Variants in BAZ2B observed in about 807,000 individuals in gnomAD.
The protein encoded by BAZ2B is bromodomain adjacent to zinc finger domain protein 2B.
In BAZ2B, 91 loss-of-function variants were observed where a neutral mutation model predicts 246.0. The ratio of observed to expected loss-of-function variants is 0.37; its 90% confidence interval spans 0.31 to 0.44. The LOEUF is 0.44. Ranked by LOEUF, BAZ2B falls within the 20% of genes least tolerant of loss-of-function variation. BAZ2B has a pLI of 1.00. For missense variants in BAZ2B, 2,332 were observed against 2,533.7 expected (o/e 0.92, Z 1.71); for synonymous variants, 855 against 860.0 (o/e 0.99, Z 0.10).
chr2:159,575,368 T>TA (rs1372115339), intron 1 of BAZ2B, among the ~76,000 whole-genome samples: 3 of 151,994 alleles, frequency 2.0e-5, no homozygotes, highest in African/African-American at 4.8e-5. Flanking sequence ...ATATACTGGA[T>TA]AAAAAATAGA....
chr2:159,642,206 T>A, the BAZ2B span, among the ~76,000 whole-genome samples: 9 of 151,878 alleles, frequency 5.9e-5, no homozygotes, highest in East Asian at 1.7e-3. Context: ...ATAGATTGAT[T>A]GTTTTCTATT....
intron 2 of BAZ2B, among the ~76,000 whole-genome samples, chr2:159,510,016 C>T (rs1178161503): frequency 1.3e-5 from 2 of 151,790 alleles, no homozygotes; most frequent in Non-Finnish European, 2.9e-5. Context: ...TAGATGAACC[C>T]TGAAAACTCT....
At chr2:159,650,599 C>T in the BAZ2B span, among the ~76,000 whole-genome samples, 1 of 152,034 alleles carries the variant, frequency 6.6e-6, no homozygotes, top group Non-Finnish European at 1.5e-5. Flanking sequence ...TGGGTAGCTC[C>T]CTCATATTCA....
chr2:159,432,750 AAAT>A lies in BAZ2B; in HGVS notation c.1900+4_1900+6del. 1.2e-6 allele frequency: 2 copies of A among 1,605,556 alleles called. No homozygotes were observed. Among genetic ancestry groups the A allele is most frequent in the Non-Finnish European group, 1.7e-6 (2 of 1,174,212 alleles). ...AGAAATACTTTAAATTTTAAAATGA[AAAT>A]AACCTGATTGGCTGTCATCAGATTC... On this transcript the variant is annotated splice_donor_5th_base_variant and intron_variant, in intron 9 of 36. Transcript: ENST00000392783.
chr2:159,374,076 CTTTTT>C (rs68072307), intron 26 of BAZ2B, among the ~76,000 whole-genome samples: 1 of 125,190 alleles, frequency 8.0e-6, no homozygotes. Flanking sequence ...GTTTTTTTTT[CTTTTT>C]TTTTTTTTTT....
At chr2:159,316,638 C>A, downstream of BAZ2B, among the ~76,000 whole-genome samples, 1 of 122,048 alleles carries the variant, frequency 8.2e-6, no homozygotes, top group Non-Finnish European at 1.6e-5. Flanking sequence ...TGCAGTGAGC[C>A]GAGATTGCAC....
At chr2:159,516,416 T>C (rs1383934064) in intron 2 of BAZ2B, 1 of 152,448 alleles carries the variant, frequency 6.6e-6, no homozygotes, top group Non-Finnish European at 1.5e-5. Flanking sequence ...CTAGCTTTGC[T>C]GACCCCAAGG....
chr2:159,605,306 G>A (rs1046115065), intron 1 of BAZ2B, among the ~76,000 whole-genome samples: 2 of 152,020 alleles, frequency 1.3e-5, no homozygotes, highest in African/African-American at 4.8e-5. Context: ...AAAGTGCTGG[G>A]ATTACAGGTG....
the BAZ2B span, among the ~76,000 whole-genome samples, chr2:159,680,183 A>G: frequency 6.6e-6 from 1 of 152,246 alleles, no homozygotes; most frequent in Non-Finnish European, 1.5e-5. Context: ...TACAAGAGAA[A>G]AAAGTATAAT....
In BAZ2B at chr2:159,428,344, T is replaced by C; in HGVS notation, c.2331A>G (p.Gly777=). 2 of 1,613,222 alleles carry C rather than the reference T, an allele frequency of 1.2e-6. No homozygotes were observed. Among genetic ancestry groups the C allele is most frequent in the Non-Finnish European group, 1.7e-6 (2 of 1,179,622 alleles). ...QGEVAYYAPC[G]KKLRQYPEVI... ...CTTCAGGGTACTGCCTAAGTTTCTT[T>C]CCACATGGAGCATAATATGCTACTT... Residue 777 remains glycine, a synonymous_variant, in exon 12 of 37, where the codon GGA becomes GGG. Coordinates refer to ENST00000392783, the MANE Select transcript of BAZ2B (RefSeq NM_013450.4).
chr2:159,488,125 G>A (rs573012697), intron 2 of BAZ2B, among the ~76,000 whole-genome samples: 1 of 152,154 alleles, frequency 6.6e-6, no homozygotes, highest in Non-Finnish European at 1.5e-5. Flanking sequence ...TCAGGCTGGA[G>A]TATAGCAGTG....
chr2:159,689,026 T>C, the BAZ2B span, among the ~76,000 whole-genome samples: 61,233 of 151,954 alleles, frequency 0.4, 12,861 homozygotes, highest in African/African-American at 0.5. Context: ...GGGAGATATT[T>C]TGAGTATGTA....
intron 2 of BAZ2B, among the ~76,000 whole-genome samples, chr2:159,547,367 C>CA (rs1368499523): frequency 5.9e-5 from 9 of 151,820 alleles, no homozygotes; most frequent in African/African-American, 2.2e-4. Context: ...TGCTATACAA[C>CA]AAAAAAAATT....
the BAZ2B span, among the ~76,000 whole-genome samples, chr2:159,636,097 CG>C: frequency 6.6e-6 from 1 of 152,090 alleles, no homozygotes; most frequent in Non-Finnish European, 1.5e-5. Flanking sequence ...ACATGGATAA[CG>C]GGGGGCAGAG....
At chr2:159,372,879 T>C (rs1177765584) in intron 27 of BAZ2B, among the ~76,000 whole-genome samples, 166 bp downstream of exon 27, 1 of 152,144 alleles carries the variant, frequency 6.6e-6, no homozygotes, top group Non-Finnish European at 1.5e-5. Flanking sequence ...TAGGAGGAAG[T>C]GTGTATCAGT....
At chr2:159,329,802 T>C (rs1293987950) in intron 34 of BAZ2B, among the ~76,000 whole-genome samples, 1 of 152,200 alleles carries the variant, frequency 6.6e-6, no homozygotes, top group African/African-American at 2.4e-5. Flanking sequence ...AGGGCTTGAA[T>C]GAGATTACAG....
intron 31 of BAZ2B, among the ~76,000 whole-genome samples, chr2:159,346,123 C>A (rs1575835502): frequency 6.6e-6 from 1 of 152,044 alleles, no homozygotes; most frequent in African/African-American, 2.4e-5. Context: ...TATTATAGAA[C>A]CTGGAGGAGG....
chr2:159,633,735 A>AT, the BAZ2B span, among the ~76,000 whole-genome samples: 1 of 103,580 alleles, frequency 9.7e-6, no homozygotes, highest in Admixed American at 1.2e-4. Context: ...TTTTCACTTT[A>AT]TTCTTTTTTT....
chr2:159,555,010 G>T (rs2088874514), intron 2 of BAZ2B, among the ~76,000 whole-genome samples: 1 of 150,990 alleles, frequency 6.6e-6, no homozygotes, highest in African/African-American at 2.4e-5. Flanking sequence ...AAAAATTTAA[G>T]CAAGATGCCT....
Sources: allele counts gnomAD v4.1 joint callset (sites outside exome capture counted in the v4.1 genomes callset), GRCh38; gene constraint gnomAD v4.1.1; transcripts MANE v1.5; gene names NCBI Gene and HGNC (gene_info 2026-07-23, HGNC 2026-07-21).